The following TNFAIP8L1 variants were observed in gnomAD, a reference collection of about 807,000 sequenced individuals.
TNFAIP8L1 encodes the protein TNF alpha induced protein 8 like 1, also known as tumor necrosis factor alpha-induced protein 8-like protein 1.
For missense variants in TNFAIP8L1, 225 were observed against 266.1 expected, an observed-to-expected ratio of 0.85 and a Z score of 1.08; for synonymous variants, 127 against 125.6, an observed-to-expected ratio of 1.01 and a Z score of -0.08.
At chr19:4,648,377 G>A (rs566279021) in intron 1 of TNFAIP8L1, among the ~76,000 whole-genome samples, 90 of 152,254 alleles carry the variant, frequency 5.9e-4, no homozygotes, top group African/African-American at 2.1e-3. Flanking sequence ...TTTGGTCCTC[G>A]GCCTGTTCCC....
Position 4,641,821 on chromosome 19 carries a change from T to C in TNFAIP8L1, c.-4+2192T>C, listed in dbSNP as rs1041536762. ...CGAGACTTGAACCCCAAATGTGCCA[T>C]TGACTAGGATGAGGAAAGGATTGCA... On this transcript the variant is annotated intron_variant, in intron 1 of 1. Coordinates refer to ENST00000327473, the MANE Select transcript of TNFAIP8L1 (RefSeq NM_152362.3). This position sits in a 1 kb window ranked among gnomAD's most constrained non-coding sequence, Gnocchi z 4.6. 2.6e-5 allele frequency: 4 copies of C among 152,142 alleles called. No individual in the cohort carries two copies. The highest frequency in any genetic ancestry group is 4.4e-5 in the Non-Finnish European group (3 of 68,038). 9.4% of individuals were successfully genotyped at this position (152,142 alleles called of 1,614,324 possible). A position where few individuals can be genotyped will look rare whatever the true frequency, so the allele number is the denominator to read the frequency against.
At position 4,652,640 on chromosome 19, in the gene TNFAIP8L1, C is replaced by T; in HGVS notation, c.*210C>T. 1 of 532,608 alleles carries T rather than the reference C, an allele frequency of 1.9e-6. No homozygotes were observed. The highest frequency in any genetic ancestry group is 3.9e-5 in the Admixed American group (1 of 25,968). 33.0% of individuals were successfully genotyped at this position (532,608 alleles called of 1,614,324 possible). A position where few individuals can be genotyped will look rare whatever the true frequency, so the allele number is the denominator to read the frequency against. On this transcript the variant is annotated 3_prime_UTR_variant, in exon 2 of 2. Coordinates refer to ENST00000327473, the MANE Select transcript of TNFAIP8L1 (RefSeq NM_152362.3). The stretch of plus-strand genomic sequence containing the variant: ...CACCAATGTCACCTCTCCTCCTGGC[C>T]CCCGCCCAATGGGGAGAGGAATTTG...
In TNFAIP8L1 at chr19:4,645,006, T is replaced by A. The variant is rs1173892866; in HGVS notation, c.-4+5377T>A. 6.6e-6 allele frequency among the ~76,000 whole-genome samples: 1 copy of A among 152,092 alleles called. No individual in the cohort carries two copies. The highest frequency in any genetic ancestry group is 1.9e-4 in the East Asian group (1 of 5,188). On this transcript the variant is annotated intron_variant, in intron 1 of 1. Transcript: ENST00000327473. The surrounding 1 kb of genome is among the most constrained non-coding windows in gnomAD (Gnocchi z 4.1). ...GCGGGAAGAGGCCTGAGGCCCCCCC[T>A]GGGCCCCCGGACTGAGTGCAGCCGG...
At chr19:4,646,569 C>T (rs1037540770) in intron 1 of TNFAIP8L1, among the ~76,000 whole-genome samples, 2 of 152,030 alleles carry the variant, frequency 1.3e-5, no homozygotes, top group African/African-American at 2.4e-5. Context: ...TTTCCATTTT[C>T]CCCTCTTCCA....
At position 4,645,071 on chromosome 19, in the gene TNFAIP8L1, CA is replaced by C. The variant is rs1479375110; in HGVS notation, c.-4+5443del. Among the ~76,000 whole-genome samples, 3 of 152,164 alleles carry C rather than the reference CA, an allele frequency of 2.0e-5. No individual in the cohort carries two copies. The highest frequency in any genetic ancestry group is 7.2e-5 in the African/African-American group (3 of 41,448). On this transcript the variant is annotated intron_variant, in intron 1 of 1. Transcript: ENST00000327473. This position sits in a 1 kb window ranked among gnomAD's most constrained non-coding sequence, Gnocchi z 4.1. ...AGATGGAGCGGCTGGCGTGCACCTG[CA>C]GAGCAGATCCATCAATTATTGACAC...
At chr19:4,646,305 TC>T (rs1001451045) in intron 1 of TNFAIP8L1, among the ~76,000 whole-genome samples, 5 of 150,004 alleles carry the variant, frequency 3.3e-5, no homozygotes, top group Non-Finnish European at 1.5e-5. Flanking sequence ...TTTTTTTTTT[TC>T]AGTTGAGTCC....
At chr19:4,644,816 G>T (rs1338268641) in intron 1 of TNFAIP8L1, among the ~76,000 whole-genome samples, 2 of 151,946 alleles carry the variant, frequency 1.3e-5, no homozygotes. Context: ...GGCCAGGCTG[G>T]TCTTGGACTC....
intron 1 of TNFAIP8L1, among the ~76,000 whole-genome samples, chr19:4,651,278 T>G (rs1424894906): frequency 6.6e-6 from 1 of 151,892 alleles, no homozygotes; most frequent in Non-Finnish European, 1.5e-5. Context: ...CTACAGATAG[T>G]GGGGTTCAGA....
chr19:4,644,018 C>T (rs1056972124), intron 1 of TNFAIP8L1, among the ~76,000 whole-genome samples: 4 of 151,008 alleles, frequency 2.6e-5, no homozygotes, highest in East Asian at 2.0e-4. Flanking sequence ...GTCAGGAATT[C>T]GAGACCAGCC....
chr19:4,649,314 G>A (rs567003206), intron 1 of TNFAIP8L1, among the ~76,000 whole-genome samples: 7 of 152,030 alleles, frequency 4.6e-5, no homozygotes, highest in South Asian at 4.2e-4. Context: ...ACGGAAGGGC[G>A]GAATTCCAGG....
intron 1 of TNFAIP8L1, among the ~76,000 whole-genome samples, chr19:4,646,360 CA>C (rs2145168132): frequency 6.6e-6 from 1 of 151,188 alleles, no homozygotes; most frequent in East Asian, 2.0e-4. Flanking sequence ...CTCCTGGCCT[CA>C]ATTGATCCTC....
intron 1 of TNFAIP8L1, chr19:4,640,904 T>C (rs1416166484): frequency 6.6e-6 from 1 of 152,410 alleles, no homozygotes; most frequent in Non-Finnish European, 1.5e-5. Flanking sequence ...GCTGTACCTA[T>C]GGAAACCGTG....
chr19:4,652,318 T>G lies in TNFAIP8L1; in HGVS notation c.449T>G (p.Leu150Arg). The G allele has an allele frequency of 1.9e-6, 3 of 1,558,656 alleles. No homozygotes were observed. The highest frequency in any genetic ancestry group is 2.6e-6 in the Non-Finnish European group (3 of 1,153,804). The stretch of plus-strand genomic sequence containing the variant: ...CGCATCAACCACGTGTTCGGCCACC[T>G]AGCCGACTGCGACTTCCTGGCTGCG... ...HGRINHVFGH[L>R]ADCDFLAALY... Residue 150 changes from leucine (L) to arginine (R), a missense_variant, in exon 2 of 2, where the codon CTA becomes CGA. Coordinates refer to ENST00000327473, the MANE Select transcript of TNFAIP8L1 (RefSeq NM_152362.3).
At chr19:4,643,589 C>G (rs1160269969) in intron 1 of TNFAIP8L1, among the ~76,000 whole-genome samples, 1 of 152,262 alleles carries the variant, frequency 6.6e-6, no homozygotes, top group African/African-American at 2.4e-5. Context: ...TTGAGAACAA[C>G]TGATGTCACC....
Position 4,652,757 on chromosome 19 carries a change from G to A in TNFAIP8L1, c.*327G>A, listed in dbSNP as rs1220622130. Reference sequence around the variant, plus strand: ...CTTGATGTAAAAGCCAAAAGCTGCTGCCTCCCACTTGGATCATGTCGCCTG... The same window carrying A: ...CTTGATGTAAAAGCCAAAAGCTGCTACCTCCCACTTGGATCATGTCGCCTG... On this transcript the variant is annotated 3_prime_UTR_variant, in exon 2 of 2. Transcript: ENST00000327473. The A allele has an allele frequency of 3.1e-6, 1 of 319,256 alleles. No individual in the cohort carries two copies. Among genetic ancestry groups the A allele is most frequent in the African/African-American group, 2.2e-5 (1 of 46,266 alleles). 19.8% of individuals were successfully genotyped at this position (319,256 alleles called of 1,614,324 possible).
chr19:4,644,768 T>G (rs1230911646), intron 1 of TNFAIP8L1, among the ~76,000 whole-genome samples: 4 of 151,824 alleles, frequency 2.6e-5, no homozygotes, highest in Admixed American at 2.0e-4. Context: ...ACACGGCTAA[T>G]TTTTGTATTT....
rs754625857 is a variant in TNFAIP8L1 at position 4,652,210 on chromosome 19, G to A, written c.341G>A (p.Arg114His). 4 of 1,545,106 alleles carry A rather than the reference G, an allele frequency of 2.6e-6. No individual in the cohort carries two copies. In the South Asian group the frequency reaches 4.7e-5, roughly 18 times the overall value. The change falls in exon 2 of 2, where the codon CGC (arginine) becomes CAC (histidine). Residue 114 changes from arginine (R) to histidine (H), a missense_variant. Arg to His is a conservative substitution (Grantham distance 29). Coordinates refer to ENST00000327473, the MANE Select transcript of TNFAIP8L1 (RefSeq NM_152362.3). ...FHQVDFTFDR[R>H]VLAAGLLECR... ...CAGGTGGACTTCACCTTCGACCGGC[G>A]CGTGCTGGCCGCCGGGCTGCTCGAG...
At chr19:4,650,677 A>G (rs2088353832) in intron 1 of TNFAIP8L1, among the ~76,000 whole-genome samples, 1 of 148,540 alleles carries the variant, frequency 6.7e-6, no homozygotes, top group African/African-American at 2.6e-5. Context: ...CCCCAGTCCC[A>G]GCCTGGACGG....
chr19:4,649,620 T>G (rs1004169442), intron 1 of TNFAIP8L1, among the ~76,000 whole-genome samples: 6 of 152,148 alleles, frequency 3.9e-5, no homozygotes, highest in Non-Finnish European at 7.4e-5. Context: ...TGTGTGGTCT[T>G]GGGGAAGTGG....
Sources: gnomAD v4.1 joint callset for allele counts (sites outside exome capture counted in the v4.1 genomes callset) on GRCh38, gnomAD v4.1.1 for gene constraint, Gnocchi (gnomAD v3.1) non-coding constraint, MANE v1.5 for transcripts, NCBI Gene and HGNC (gene_info 2026-07-23, HGNC 2026-07-21) for gene names.